The following TBC1D12 variants were observed in gnomAD, a reference collection of about 807,000 sequenced individuals.
TBC1D12 encodes the protein TBC1 domain family, member 12.
TBC1D12 carries 56 observed loss-of-function variants against 86.7 expected under a neutral mutation model. That is an observed-to-expected ratio of 0.65 (90% confidence interval 0.52 to 0.81). The LOEUF is 0.81. Among genes scored for constraint, TBC1D12 ranks in the 30% least tolerant of loss-of-function variants. The pLI, the probability that TBC1D12 is intolerant of heterozygous loss-of-function variation, is 0.00. For synonymous variants in TBC1D12, 421 were observed against 411.7 expected, an observed-to-expected ratio of 1.02 and a Z score of -0.27; for missense variants, 1,023 against 1,038.8, an observed-to-expected ratio of 0.98 and a Z score of 0.21.
intron 3 of TBC1D12, among the ~76,000 whole-genome samples, chr10:94,475,552 T>A (rs1260287833): frequency 1.3e-5 from 2 of 152,164 alleles, no homozygotes; most frequent in African/African-American, 4.8e-5. Context: ...TGGCACAGCC[T>A]CCTGAGTAGC....
At chr10:94,467,474 C>T (rs573123113) in intron 2 of TBC1D12, among the ~76,000 whole-genome samples, 2 of 152,156 alleles carry the variant, frequency 1.3e-5, no homozygotes, top group South Asian at 2.1e-4. Flanking sequence ...TCAGGTGAGC[C>T]GCCCGCCTTG....
chr10:94,508,310 A>G (rs2056485931), intron 7 of TBC1D12: 1 of 151,308 alleles, frequency 6.6e-6, no homozygotes, highest in Non-Finnish European at 1.5e-5. Flanking sequence ...ATTTTAATTC[A>G]TCATATAGGG....
intron 2 of TBC1D12, among the ~76,000 whole-genome samples, chr10:94,469,557 C>G (rs971838646): frequency 6.9e-6 from 1 of 144,628 alleles, no homozygotes; most frequent in African/African-American, 2.6e-5. Flanking sequence ...TCAAGTGATT[C>G]TCCTGCCTCA....
intron 2 of TBC1D12, among the ~76,000 whole-genome samples, chr10:94,454,231 T>C (rs1446787105): frequency 1.3e-5 from 2 of 151,770 alleles, no homozygotes; most frequent in Non-Finnish European, 2.9e-5. Context: ...TGAGTCTTCT[T>C]TTCTTTTGAG....
intron 12 of TBC1D12, among the ~76,000 whole-genome samples, chr10:94,531,734 G>GTTATTTTATT (rs1842427053): frequency 2.9e-5 from 2 of 68,400 alleles, no homozygotes; most frequent in South Asian, 5.8e-4. Flanking sequence ...GTTATTTTAT[G>GTTATTTTATT]TTATGTTATT....
intron 1 of TBC1D12, among the ~76,000 whole-genome samples, chr10:94,405,839 T>G (rs905745698): frequency 6.6e-6 from 1 of 151,782 alleles, no homozygotes; most frequent in African/African-American, 2.4e-5. Flanking sequence ...AGATGGAGTT[T>G]CCCTCTTTTG....
intron 2 of TBC1D12, among the ~76,000 whole-genome samples, chr10:94,461,527 T>A (rs1176791670): frequency 6.6e-6 from 1 of 152,242 alleles, no homozygotes; most frequent in African/African-American, 2.4e-5. Flanking sequence ...GTACTCAGTC[T>A]GAGGACCTGG....
At chr10:94,505,541 C>T (rs1303250346) in intron 6 of TBC1D12, among the ~76,000 whole-genome samples, 1 of 151,960 alleles carries the variant, frequency 6.6e-6, no homozygotes, top group Non-Finnish European at 1.5e-5. Flanking sequence ...CCACTGCATT[C>T]CAGTCTGGGC....
chr10:94,517,619 TG>T (rs1348660405), intron 9 of TBC1D12, among the ~76,000 whole-genome samples: 1 of 152,208 alleles, frequency 6.6e-6, no homozygotes, highest in Non-Finnish European at 1.5e-5. Flanking sequence ...ATAACTTAAC[TG>T]GTGGTATCAA....
At chr10:94,501,100 A>AATGAATG (rs1564979784) in intron 6 of TBC1D12, among the ~76,000 whole-genome samples, 5 of 143,404 alleles carry the variant, frequency 3.5e-5, no homozygotes, top group African/African-American at 1.4e-4. Flanking sequence ...ATGAATGAAT[A>AATGAATG]AATAAATAAA....
intron 3 of TBC1D12, among the ~76,000 whole-genome samples, chr10:94,482,820 C>G (rs2056097225): frequency 6.6e-6 from 1 of 152,084 alleles, no homozygotes; most frequent in African/African-American, 2.4e-5. Flanking sequence ...TCCTTCCCAG[C>G]CTTAGGTAAC....
At chr10:94,478,364 G>C (rs541058567) in intron 3 of TBC1D12, among the ~76,000 whole-genome samples, 1 of 152,260 alleles carries the variant, frequency 6.6e-6, no homozygotes, top group African/African-American at 2.4e-5. Flanking sequence ...AGGCCTATTT[G>C]GTGGAAGCCA....
At chr10:94,515,150 G>A (rs1282973424) in intron 9 of TBC1D12, among the ~76,000 whole-genome samples, 9 of 150,664 alleles carry the variant, frequency 6.0e-5, no homozygotes, top group African/African-American at 7.3e-5. Flanking sequence ...CTCGTGATCC[G>A]CCCGCCTCGG....
intron 1 of TBC1D12, among the ~76,000 whole-genome samples, chr10:94,424,465 C>T (rs188623889): frequency 1.6e-4 from 25 of 152,242 alleles, no homozygotes; most frequent in African/African-American, 5.5e-4. Flanking sequence ...ATTCTCCCCT[C>T]GTTCATTCAG....
intron 1 of TBC1D12, among the ~76,000 whole-genome samples, chr10:94,418,572 ATTATTATT>A (rs1422493727): frequency 6.0e-5 from 9 of 151,014 alleles, no homozygotes; most frequent in Non-Finnish European, 7.4e-5. Flanking sequence ...TATTATTATT[ATTATTATT>A]ATATTATTTT....
chr10:94,461,089 T>C (rs1280391142), intron 2 of TBC1D12, among the ~76,000 whole-genome samples: 2 of 152,216 alleles, frequency 1.3e-5, no homozygotes, highest in Non-Finnish European at 2.9e-5. Context: ...GCTTGTTTAA[T>C]CTCTTTAGAC....
intron 1 of TBC1D12, among the ~76,000 whole-genome samples, chr10:94,437,964 G>A (rs1005800924): frequency 2.0e-5 from 2 of 100,602 alleles, no homozygotes; most frequent in Non-Finnish European, 4.2e-5. Flanking sequence ...TTGTCCATGG[G>A]TTTTTTTCTT....
intron 1 of TBC1D12, among the ~76,000 whole-genome samples, chr10:94,422,198 T>G (rs1049847356): frequency 1.3e-5 from 2 of 148,208 alleles, no homozygotes; most frequent in African/African-American, 5.0e-5. Flanking sequence ...TTTTTTTTTT[T>G]TTTTTTTTTT....
At chr10:94,503,967 T>A (rs763192069) in intron 6 of TBC1D12, among the ~76,000 whole-genome samples, 2 of 152,190 alleles carry the variant, frequency 1.3e-5, no homozygotes, top group Non-Finnish European at 2.9e-5. Flanking sequence ...TAGAATAGAA[T>A]TTAAAGGAAG....
Sources: gnomAD v4.1 joint callset for allele counts (sites outside exome capture counted in the v4.1 genomes callset) on GRCh38, gnomAD v4.1.1 for gene constraint, MANE v1.5 for transcripts, NCBI Gene and HGNC (gene_info 2026-07-23, HGNC 2026-07-21) for gene names.